WDPCP: variants seen among roughly 807,000 people sequenced by gnomAD.
WDPCP encodes the protein WD repeat-containing and planar cell polarity effector protein fritz homolog.
WDPCP carries 71 observed loss-of-function variants against 93.1 expected under a neutral mutation model. The ratio of observed to expected loss-of-function variants is 0.76; its 90% CI spans 0.63 to 0.93. The LOEUF (loss-of-function observed/expected upper bound fraction) is 0.93, where lower values mean the gene tolerates loss of function less well. Among genes scored for constraint, WDPCP ranks in the 40% least tolerant of loss-of-function variants. The probability of loss-of-function intolerance (pLI) is 0.00; values close to 1 mark genes in which losing one functional copy is unlikely to be tolerated. For missense variants in WDPCP, 844 were observed against 887.4 expected (o/e 0.95, Z 0.62); for synonymous variants, 315 against 315.0 (o/e 1.00, Z 0.00).
chr2:63,807,227 T>A (rs1292069668), intron 2 of WDPCP, among the ~76,000 whole-genome samples: 1 of 152,102 alleles, frequency 6.6e-6, no homozygotes, highest in Non-Finnish European at 1.5e-5. Context: ...GCAACAGTAA[T>A]CCCCATTATT....
At chr2:63,327,120 T>C (rs768674274) in intron 12 of WDPCP, among the ~76,000 whole-genome samples, 2 of 152,178 alleles carry the variant, frequency 1.3e-5, no homozygotes, top group Non-Finnish European at 2.9e-5. Flanking sequence ...GGACAATAGA[T>C]GGTTCCTCCC....
rs1694391824 is a variant in WDPCP at position 63,404,364 on chromosome 2, TAA to T, written c.1117_1118del (p.Leu373SerfsTer4). On this transcript the variant is annotated frameshift_variant, in exon 10 of 18. Transcript: ENST00000272321. LOFTEE classifies it high-confidence loss of function. Reference sequence around the variant, plus strand: ...ATGAAGGCAAAAGTTCAGTCTGTGCTAAGAGAGTCACTCTACGGTGAGTTTCA... The same window carrying T: ...ATGAAGGCAAAAGTTCAGTCTGTGCTGAGAGTCACTCTACGGTGAGTTTCA... ...LYETHRRVTL[L>X]AQTELLPSLI... 6.2e-7 allele frequency: 1 copy of T among 1,614,062 alleles called. No homozygotes were observed. The highest frequency in any genetic ancestry group is 1.7e-5 in the Admixed American group (1 of 59,986).
chr2:63,241,920 A>G (rs1286908440), intron 14 of WDPCP, among the ~76,000 whole-genome samples: 1 of 152,154 alleles, frequency 6.6e-6, no homozygotes, highest in Non-Finnish European at 1.5e-5. Flanking sequence ...CCATTTTAGG[A>G]AGAAGATAAC....
chr2:63,231,643 AAGG>A (rs1678895732), intron 14 of WDPCP, among the ~76,000 whole-genome samples: 1 of 152,206 alleles, frequency 6.6e-6, no homozygotes, highest in Non-Finnish European at 1.5e-5. Context: ...GGACCTCTTC[AAGG>A]AGAACTACAA....
chr2:63,565,743 A>G (rs558522988), intron 1 of WDPCP, among the ~76,000 whole-genome samples: 1 of 152,298 alleles, frequency 6.6e-6, no homozygotes, highest in Admixed American at 6.5e-5. Flanking sequence ...TTATATAACT[A>G]AAGAGAAAAG....
At chr2:63,817,610 T>C (rs1238607494) in intron 1 of WDPCP, among the ~76,000 whole-genome samples, 2 of 152,220 alleles carry the variant, frequency 1.3e-5, no homozygotes, top group African/African-American at 4.8e-5. Flanking sequence ...ATATTGTCTA[T>C]GGCTGCTTTC....
chr2:63,410,831 C>A (rs1318302154), intron 9 of WDPCP, among the ~76,000 whole-genome samples: 2 of 152,178 alleles, frequency 1.3e-5, no homozygotes, highest in African/African-American at 4.8e-5. Context: ...CCTTGCCCAA[C>A]AGGAAAATAT....
At position 63,281,418 on chromosome 2, in the gene WDPCP, T is replaced by C. The variant is rs543221060; in HGVS notation, c.1813-22009A>G. Among the ~76,000 whole-genome samples the C allele has an allele frequency of 2.6e-5, 4 of 152,340 alleles. No homozygotes were observed. In the East Asian group the frequency reaches 7.7e-4, roughly 29 times the overall value. On this transcript the variant is annotated intron_variant, in intron 13 of 17. Coordinates refer to ENST00000272321, the MANE Select transcript of WDPCP (RefSeq NM_015910.7). ...AGTACAACCACTGTGGAAAACAGTG[T>C]GGAGATTCTGTGAAGAACTAAAAGT...
chr2:63,320,531 T>A (rs1482221815), intron 12 of WDPCP, among the ~76,000 whole-genome samples: 2 of 151,774 alleles, frequency 1.3e-5, no homozygotes, highest in Non-Finnish European at 2.9e-5. Flanking sequence ...AAGGATGGGG[T>A]AAGGTGGGTA....
chr2:63,388,314 C>G (rs1692918652), intron 10 of WDPCP, among the ~76,000 whole-genome samples: 1 of 152,042 alleles, frequency 6.6e-6, no homozygotes, highest in African/African-American at 2.4e-5. Flanking sequence ...AGGGATCTGA[C>G]TGTTAGAAGG....
At chr2:63,180,793 C>A (rs1674182048) in intron 14 of WDPCP, among the ~76,000 whole-genome samples, 1 of 152,142 alleles carries the variant, frequency 6.6e-6, no homozygotes, top group Non-Finnish European at 1.5e-5. Context: ...TTTACATTCC[C>A]ACTAACAGTG....
At chr2:63,761,085 G>A (rs968757656) in intron 2 of WDPCP, among the ~76,000 whole-genome samples, 7 of 152,190 alleles carry the variant, frequency 4.6e-5, no homozygotes, top group Admixed American at 3.3e-4. Flanking sequence ...CAAAGTTCAA[G>A]TGTTGCAAAC....
intron 1 of WDPCP, among the ~76,000 whole-genome samples, chr2:63,575,409 A>AGTGCATACACT (rs1223189279): frequency 2.6e-5 from 2 of 75,584 alleles, no homozygotes; most frequent in Admixed American, 2.6e-4. Context: ...GTATATATAC[A>AGTGCATACACT]GTATATACAC....
chr2:63,728,800 A>G (rs1669522663), intron 2 of WDPCP, among the ~76,000 whole-genome samples: 2 of 152,232 alleles, frequency 1.3e-5, no homozygotes, highest in Non-Finnish European at 2.9e-5. Flanking sequence ...TCCTTCCAGC[A>G]GGCATCAAGG....
At chr2:63,270,100 A>G (rs1682499232) in intron 13 of WDPCP, among the ~76,000 whole-genome samples, 1 of 152,214 alleles carries the variant, frequency 6.6e-6, no homozygotes, top group Non-Finnish European at 1.5e-5. Context: ...AACTTACCTC[A>G]GAGTTACGTT....
At chr2:63,416,987 C>A (rs1318780520) in intron 9 of WDPCP, among the ~76,000 whole-genome samples, 1 of 152,138 alleles carries the variant, frequency 6.6e-6, no homozygotes, top group African/African-American at 2.4e-5. Context: ...GGATCTTGAG[C>A]AAGATCATCT....
chr2:63,181,965 C>T (rs1444976866), intron 14 of WDPCP, among the ~76,000 whole-genome samples: 4 of 151,724 alleles, frequency 2.6e-5, no homozygotes, highest in African/African-American at 7.3e-5. Flanking sequence ...ATTTGGTTCT[C>T]AGTTTGTTGT....
intron 14 of WDPCP, among the ~76,000 whole-genome samples, chr2:63,197,644 A>G (rs966225247): frequency 2.0e-5 from 3 of 152,216 alleles, no homozygotes; most frequent in African/African-American, 7.2e-5. Flanking sequence ...GTGATTAAAC[A>G]TACATTATTT....
At chr2:63,408,655 AG>A (rs1417248514) in intron 9 of WDPCP, among the ~76,000 whole-genome samples, 5 of 152,232 alleles carry the variant, frequency 3.3e-5, no homozygotes, top group Admixed American at 6.5e-5. Context: ...GCCTAGGGCA[AG>A]TTTTCAAGCC....
Sources: allele counts gnomAD v4.1 joint callset (sites outside exome capture counted in the v4.1 genomes callset), GRCh38; gene constraint gnomAD v4.1.1; transcripts MANE v1.5; gene names NCBI Gene and HGNC (gene_info 2026-07-23, HGNC 2026-07-21).